N4BP2L2: variants seen among roughly 807,000 people sequenced by gnomAD.
N4BP2L2 encodes NEDD4-binding protein 2-like 2.
A neutral mutation model predicts 56.2 loss-of-function variants in N4BP2L2; 50 were observed. The ratio of observed to expected loss-of-function variants is 0.89; its 90% confidence interval spans 0.71 to 1.13. N4BP2L2 has a LOEUF of 1.13. Among genes scored for constraint, N4BP2L2 ranks in the 50% most tolerant of loss-of-function variants. N4BP2L2 has a pLI of 0.00. For missense variants in N4BP2L2, 689 were observed against 693.8 expected, an observed-to-expected ratio of 0.99 and a Z score of 0.08; for synonymous variants, 203 against 223.6, an observed-to-expected ratio of 0.91 and a Z score of 0.82.
chr13:32,503,161 A>G (rs1170795935), intron 6 of N4BP2L2, among the ~76,000 whole-genome samples: 1 of 130,616 alleles, frequency 7.7e-6, no homozygotes, highest in Non-Finnish European at 1.6e-5. Context: ...TGACAGAGCA[A>G]GACTCTGTAG....
At chr13:32,521,472 A>C in intron 4 of N4BP2L2, 23 bp from the exon 5 acceptor site, 1 of 1,538,326 alleles carries the variant, frequency 6.5e-7, no homozygotes, top group South Asian at 1.2e-5. Flanking sequence ...AAGGAAGAAA[A>C]CAAAAACCCA....
At chr13:32,451,098 A>G (rs942002639) in intron 6 of N4BP2L2, among the ~76,000 whole-genome samples, 1 of 152,110 alleles carries the variant, frequency 6.6e-6, no homozygotes, top group South Asian at 2.1e-4. Context: ...CAACCACACA[A>G]CTGGAGAAGT....
intron 3 of N4BP2L2, chr13:32,524,653 A>AT (rs2052124446): frequency 6.6e-6 from 1 of 152,220 alleles, no homozygotes; most frequent in Non-Finnish European, 1.5e-5. Flanking sequence ...ATTCAAGTTC[A>AT]TATTTATTAT....
At chr13:32,462,861 TAAAAAAAAAAAAAAAAAA>T (rs569068082) in intron 6 of N4BP2L2, among the ~76,000 whole-genome samples, 4 of 51,112 alleles carry the variant, frequency 7.8e-5, no homozygotes, top group Non-Finnish European at 1.5e-4. Context: ...CTGTCTTTAC[TAAAAAAAAAAAAAAAAAA>T]AAAAAAAAAA....
intron 6 of N4BP2L2, among the ~76,000 whole-genome samples, chr13:32,444,370 T>C (rs1178517698): frequency 6.6e-6 from 1 of 152,180 alleles, no homozygotes; most frequent in African/African-American, 2.4e-5. Flanking sequence ...GTTCAAGCAA[T>C]TCTCCTGCCT....
chr13:32,532,316 AC>A lies in N4BP2L2; in HGVS notation c.1259+3452del, dbSNP rs765622789. Among the ~76,000 whole-genome samples, 182 of 152,126 alleles carry A rather than the reference AC, an allele frequency of 1.2e-3. 2 individuals are homozygous for A. Among genetic ancestry groups the A allele is most frequent in the South Asian group, 1.9e-3 (9 of 4,828 alleles). On this transcript the variant is annotated intron_variant, in intron 2 of 5. Transcript: ENST00000267068. ...TTTATTAGGGGGTAAGAAAGATCCC[AC>A]TGTTTTACTCATTCTCTCAAATTAC...
intron 6 of N4BP2L2, among the ~76,000 whole-genome samples, chr13:32,489,063 ACT>A (rs1318438630): frequency 2.0e-5 from 3 of 152,130 alleles, no homozygotes; most frequent in Non-Finnish European, 2.9e-5. Context: ...ACAGAGCAAG[ACT>A]CTGTCTCAGA....
At chr13:32,535,717 ATAATTTT>A (rs1486210861) in intron 2 of N4BP2L2, 45 bp downstream of exon 2, 13 of 1,547,340 alleles carry the variant, frequency 8.4e-6, no homozygotes, top group Non-Finnish European at 1.1e-5. Context: ...AATATCATTT[ATAATTTT>A]TAAATAATGA....
intron 8 of N4BP2L2, among the ~76,000 whole-genome samples, chr13:32,438,029 G>T (rs1566007839): frequency 6.6e-6 from 1 of 152,008 alleles, no homozygotes; most frequent in African/African-American, 2.4e-5. Context: ...ATATTTATGA[G>T]CACAATGTAT....
chr13:32,444,034 C>T, exon 7 of N4BP2L2: 2 of 1,606,334 alleles, frequency 1.2e-6, no homozygotes, highest in Non-Finnish European at 1.7e-6. Flanking sequence ...CTCCATGATT[C>T]TATTCTGACT....
downstream of N4BP2L2, chr13:32,508,192 G>T (rs1419889869): frequency 6.6e-6 from 1 of 152,066 alleles, no homozygotes; most frequent in African/African-American, 2.4e-5. Flanking sequence ...GGAATGATAG[G>T]GACAGAAACT....
intron 6 of N4BP2L2, among the ~76,000 whole-genome samples, chr13:32,453,182 AG>A (rs1282839221): frequency 6.6e-6 from 1 of 152,224 alleles, no homozygotes; most frequent in Non-Finnish European, 1.5e-5. Context: ...CTTGAGCCAA[AG>A]AGGCGGAGGT....
chr13:32,498,952 G>A (rs138946257), intron 6 of N4BP2L2, among the ~76,000 whole-genome samples: 7 of 130,114 alleles, frequency 5.4e-5, no homozygotes, highest in African/African-American at 1.8e-4. Context: ...TTGTGCCATT[G>A]CACTCCAGAC....
In N4BP2L2 at chr13:32,443,451, GTGAT is replaced by G; in HGVS notation, c.1037_1040del (p.Asn346ThrfsTer60). The G allele has an allele frequency of 5.6e-6, 9 of 1,613,954 alleles. No individual in the cohort carries two copies. Among genetic ancestry groups the G allele is most frequent in the Non-Finnish European group, 7.6e-6 (9 of 1,179,856 alleles). On this transcript the variant is annotated frameshift_variant, in exon 7 of 10. Transcript: ENST00000357505. LOFTEE classifies it high-confidence loss of function. ...ATAAATTGGTTGTGAAAAAAGCCCAGTGATTGATTTTAGTTGTATACACTTGTTC... is the reference window on the plus strand; with the variant it reads ...ATAAATTGGTTGTGAAAAAAGCCCAGTGATTTTAGTTGTATACACTTGTTC...
At chr13:32,489,154 T>C (rs1308104125) in intron 6 of N4BP2L2, among the ~76,000 whole-genome samples, 1 of 152,222 alleles carries the variant, frequency 6.6e-6, no homozygotes, top group African/African-American at 2.4e-5. Flanking sequence ...GGCTTAACAA[T>C]AATTATTAAC....
intron 6 of N4BP2L2, among the ~76,000 whole-genome samples, chr13:32,492,489 T>C (rs2087398653): frequency 6.6e-6 from 1 of 152,082 alleles, no homozygotes; most frequent in Non-Finnish European, 1.5e-5. Flanking sequence ...AGGCCTAGCA[T>C]CTGTTTTCTT....
At chr13:32,521,300 C>T (rs2050829097) in intron 5 of N4BP2L2, 73 bp downstream of exon 5, 2 of 1,158,816 alleles carry the variant, frequency 1.7e-6, no homozygotes, top group Non-Finnish European at 2.5e-6. Flanking sequence ...ATTCAATAAA[C>T]TGTGAAAGGA....
intron 5 of N4BP2L2, among the ~76,000 whole-genome samples, chr13:32,519,363 C>T (rs958281455): frequency 4.0e-5 from 6 of 151,864 alleles, no homozygotes; most frequent in African/African-American, 1.2e-4. Context: ...GAGCCAAGAT[C>T]GTCACTGCAA....
At chr13:32,536,281 A>G in exon 2 of N4BP2L2, 3 of 1,613,702 alleles carry the variant, frequency 1.9e-6, no homozygotes, top group Non-Finnish European at 2.5e-6. Flanking sequence ...TTACTTGTCC[A>G]TTACAGGGAT....
Sources: allele counts gnomAD v4.1 joint callset (sites outside exome capture counted in the v4.1 genomes callset), GRCh38; gene constraint gnomAD v4.1.1; transcripts MANE v1.5; gene names NCBI Gene and HGNC (gene_info 2026-07-23, HGNC 2026-07-21).